Variants in SGMS1 observed in about 807,000 individuals in gnomAD.
SGMS1 encodes phosphatidylcholine:ceramide cholinephosphotransferase 1.
Under a neutral mutation model 46.2 loss-of-function variants are expected in SGMS1, and 13 were observed. That is an observed-to-expected ratio of 0.28 (90% CI 0.18 to 0.45). The LOEUF (loss-of-function observed/expected upper bound fraction) is 0.45, where lower values mean the gene tolerates loss of function less well. Among genes scored for constraint, SGMS1 ranks in the 20% least tolerant of loss-of-function variants. SGMS1 has a pLI of 1.00. For synonymous variants in SGMS1, 203 were observed against 187.8 expected, an observed-to-expected ratio of 1.08 and a Z score of -0.66; for missense variants, 324 against 519.9, an observed-to-expected ratio of 0.62 and a Z score of 3.66.
chr10:50,372,894 T>G (rs1409310688), intron 6 of SGMS1, among the ~76,000 whole-genome samples: 1 of 152,156 alleles, frequency 6.6e-6, no homozygotes, highest in Non-Finnish European at 1.5e-5. Context: ...CCTAATTTTT[T>G]TATTCTTTGC....
chr10:50,350,671 A>C (rs1320689022), intron 6 of SGMS1, among the ~76,000 whole-genome samples: 1 of 152,198 alleles, frequency 6.6e-6, no homozygotes, highest in Admixed American at 6.5e-5. Context: ...GTGGCTTCAG[A>C]GGGTGGAAGC....
At chr10:50,521,331 G>A (rs1290121203) in intron 2 of SGMS1, among the ~76,000 whole-genome samples, 1 of 151,896 alleles carries the variant, frequency 6.6e-6, no homozygotes, top group Non-Finnish European at 1.5e-5. Context: ...TTTTTTCTGA[G>A]CCTTAAGGAG....
intron 5 of SGMS1, among the ~76,000 whole-genome samples, chr10:50,453,302 A>C (rs1444501511): frequency 2.0e-5 from 3 of 152,090 alleles, no homozygotes; most frequent in African/African-American, 7.2e-5. Flanking sequence ...TGGTATTTAA[A>C]AATTAAAAGA....
chr10:50,360,116 T>C (rs917812018), intron 6 of SGMS1, among the ~76,000 whole-genome samples: 2 of 152,186 alleles, frequency 1.3e-5, no homozygotes, highest in African/African-American at 4.8e-5. Context: ...TTAAAAAATA[T>C]AAAATGAGCT....
chr10:50,568,652 AAC>A (rs1838310730), intron 2 of SGMS1, among the ~76,000 whole-genome samples: 1 of 152,202 alleles, frequency 6.6e-6, no homozygotes, highest in Non-Finnish European at 1.5e-5. Context: ...GAGCCTGGGA[AAC>A]ACAGTGAGAC....
intron 6 of SGMS1, among the ~76,000 whole-genome samples, chr10:50,344,961 C>G (rs974780171): frequency 6.6e-6 from 1 of 151,964 alleles, no homozygotes; most frequent in Non-Finnish European, 1.5e-5. Flanking sequence ...GGTCAAGAGA[C>G]CAGGTATTCT....
chr10:50,497,875 T>G (rs991454316), intron 3 of SGMS1, among the ~76,000 whole-genome samples: 1 of 152,184 alleles, frequency 6.6e-6, no homozygotes, highest in Non-Finnish European at 1.5e-5. Context: ...TGTGCCTAAC[T>G]GAAATGCATG....
At chr10:50,328,487 T>C (rs1308910638) in intron 7 of SGMS1, among the ~76,000 whole-genome samples, 1 of 152,226 alleles carries the variant, frequency 6.6e-6, no homozygotes, top group African/African-American at 2.4e-5. Context: ...ATTTGTTTCA[T>C]GTGTATTTTC....
intron 6 of SGMS1, among the ~76,000 whole-genome samples, chr10:50,424,398 A>G (rs1170132582): frequency 2.0e-5 from 3 of 150,064 alleles, no homozygotes; most frequent in Admixed American, 2.0e-4. Flanking sequence ...GTATCTTCAT[A>G]AAAAGTGTCT....
In SGMS1 at chr10:50,527,086, A is replaced by G. The variant is rs796232900; in HGVS notation, c.-588-7165T>C. 4.7e-4 allele frequency among the ~76,000 whole-genome samples: 68 copies of G among 144,724 alleles called. 1 individual carries two copies. In the South Asian group the frequency reaches 5.9e-3, roughly 13 times the overall value. The allele number at this position is 144,724 out of a possible 152,430, so 94.9% of individuals were successfully genotyped here. ...CTCAAAAAAAAAAAAAAAAAAAAAA[A>G]AAAGAAAGAAAGAAAAGAAAAAGAA... On this transcript the variant is annotated intron_variant, in intron 2 of 10. Coordinates refer to ENST00000361781, the MANE Select transcript of SGMS1 (RefSeq NM_147156.4).
chr10:50,516,419 G>A (rs757075944), intron 3 of SGMS1, among the ~76,000 whole-genome samples: 3 of 152,156 alleles, frequency 2.0e-5, no homozygotes, highest in Admixed American at 6.5e-5. Context: ...CAACTGACTC[G>A]TTTATATCTA....
chr10:50,524,269 C>T (rs1034270646), intron 2 of SGMS1, among the ~76,000 whole-genome samples: 17 of 152,110 alleles, frequency 1.1e-4, no homozygotes, highest in Non-Finnish European at 1.5e-5. Context: ...TGTCCAGCAC[C>T]CTAATGAGGT....
chr10:50,482,419 C>T (rs1349213034), intron 3 of SGMS1, among the ~76,000 whole-genome samples: 1 of 152,154 alleles, frequency 6.6e-6, no homozygotes, highest in Non-Finnish European at 1.5e-5. Context: ...TACGGCCAAA[C>T]TAAGCTTCAT....
At chr10:50,621,444 AT>A (rs1279322220) in intron 1 of SGMS1, among the ~76,000 whole-genome samples, 2 of 152,266 alleles carry the variant, frequency 1.3e-5, no homozygotes, top group Non-Finnish European at 1.5e-5. Flanking sequence ...ATTGATGCAT[AT>A]ATTTTACTCT....
At chr10:50,593,567 C>T (rs2131896615) in intron 1 of SGMS1, among the ~76,000 whole-genome samples, 1 of 152,004 alleles carries the variant, frequency 6.6e-6, no homozygotes, top group African/African-American at 2.4e-5. Context: ...TCATCCTTCA[C>T]CACCACTTCC....
At chr10:50,453,634 G>A (rs2461912) in intron 5 of SGMS1, among the ~76,000 whole-genome samples, 84,102 of 150,282 alleles carry the variant, frequency 0.56, 23,827 homozygotes, top group Non-Finnish European at 0.58. Context: ...TTCGATTTCC[G>A]GAAAGAAATG....
At chr10:50,353,685 A>G (rs889509085) in intron 6 of SGMS1, among the ~76,000 whole-genome samples, 1 of 152,292 alleles carries the variant, frequency 6.6e-6, no homozygotes, top group Non-Finnish European at 1.5e-5. Context: ...TATATCTAGA[A>G]AACCCCATCG....
At chr10:50,492,594 C>T (rs1409374298) in intron 3 of SGMS1, among the ~76,000 whole-genome samples, 2 of 152,004 alleles carry the variant, frequency 1.3e-5, no homozygotes, top group East Asian at 1.9e-4. Context: ...TACAGGTAAC[C>T]GGGGAGGTGA....
At chr10:50,360,654 G>C (rs1916568) in intron 6 of SGMS1, among the ~76,000 whole-genome samples, 27,231 of 152,108 alleles carry the variant, frequency 0.18, 2,810 homozygotes, top group Admixed American at 0.23. Context: ...CTCAAGAATG[G>C]AGGACCTAAT....
Sources: gnomAD v4.1 joint callset for allele counts (sites outside exome capture counted in the v4.1 genomes callset) on GRCh38, gnomAD v4.1.1 for gene constraint, MANE v1.5 for transcripts, NCBI Gene and HGNC (gene_info 2026-07-23, HGNC 2026-07-21) for gene names.